Variants in ARHGAP26 observed in about 807,000 individuals in gnomAD.
The protein encoded by ARHGAP26 is Rho GTPase activating protein 26, also known as rho GTPase-activating protein 26.
In ARHGAP26, 38 loss-of-function variants were observed where a neutral mutation model predicts 104.8. That is an observed-to-expected ratio of 0.36 (90% CI 0.28 to 0.48). ARHGAP26 has a LOEUF of 0.48. ARHGAP26 is among the 20% of genes least tolerant of loss of function. The probability of loss-of-function intolerance (pLI) is 0.99; values close to 1 mark genes in which losing one functional copy is unlikely to be tolerated. For synonymous variants in ARHGAP26, 341 were observed against 340.0 expected (o/e 1.00, Z -0.03); for missense variants, 704 against 947.9 (o/e 0.74, Z 3.38).
chr5:143,146,537 A>G (rs533658929), intron 19 of ARHGAP26, among the ~76,000 whole-genome samples: 1 of 152,386 alleles, frequency 6.6e-6, no homozygotes, highest in East Asian at 1.9e-4. Flanking sequence ...TTCTCCAAGC[A>G]TGAATATGAC....
In ARHGAP26 at chr5:142,918,854, A is replaced by G. The variant is rs12514082; in HGVS notation, c.1028+5561A>G. Among the ~76,000 whole-genome samples the G allele has an allele frequency of 2.2e-3, 337 of 152,282 alleles. 3 individuals are homozygous for G. The highest frequency in any genetic ancestry group is 0.019 in the Admixed American group (284 of 15,298). Reference sequence around the variant, plus strand: ...CTCAAACCGAAAACTTGCTTGGATCAAGGTATCATGTCAGTCCAATCAATA... The same window carrying G: ...CTCAAACCGAAAACTTGCTTGGATCGAGGTATCATGTCAGTCCAATCAATA... On this transcript the variant is annotated intron_variant, in intron 10 of 22. Transcript: ENST00000645722.
chr5:143,026,351 G>T (rs1359058530), intron 12 of ARHGAP26, among the ~76,000 whole-genome samples: 1 of 152,168 alleles, frequency 6.6e-6, no homozygotes, highest in Non-Finnish European at 1.5e-5. Context: ...TATAATTTCT[G>T]GTAGAGATGA....
chr5:143,158,316 C>T lies in ARHGAP26; in HGVS notation c.1988+10935C>T, dbSNP rs1416057961. ...TAAATTAACTATAAATAATAAAATA[C>T]ACTGAAATCAATAGAAGTGCTCCTC... is the stretch of plus-strand genomic sequence containing the variant. On this transcript the variant is annotated intron_variant, in intron 20 of 22. Coordinates refer to ENST00000645722, the MANE Select transcript of ARHGAP26 (RefSeq NM_001135608.3). 2.6e-5 allele frequency among the ~76,000 whole-genome samples: 4 copies of T among 152,220 alleles called. No individual in the cohort carries two copies. In the East Asian group the frequency reaches 7.7e-4, roughly 29 times the overall value.
At chr5:143,213,900 A>G in intron 21 of ARHGAP26, 97 bp from the exon 22 acceptor site, 1 of 710,290 alleles carries the variant, frequency 1.4e-6, no homozygotes, top group South Asian at 2.1e-5. Flanking sequence ...AGAGGGGACT[A>G]GGTAGCTTAC....
intron 11 of ARHGAP26, among the ~76,000 whole-genome samples, chr5:142,969,619 G>C (rs1360219109): frequency 6.6e-6 from 1 of 152,144 alleles, no homozygotes; most frequent in East Asian, 1.9e-4. Context: ...GAATTAGCAG[G>C]GGAAGAGCAA....
intron 17 of ARHGAP26, among the ~76,000 whole-genome samples, chr5:143,107,897 T>A (rs1794243020): frequency 6.6e-6 from 1 of 152,216 alleles, no homozygotes; most frequent in Admixed American, 6.5e-5. Flanking sequence ...ATAAATCAGG[T>A]TTTGCTTTGC....
chr5:142,996,178 C>T (rs903285539), intron 11 of ARHGAP26, among the ~76,000 whole-genome samples: 12 of 152,104 alleles, frequency 7.9e-5, no homozygotes, highest in African/African-American at 2.7e-4. Context: ...TATCCCAGAA[C>T]TTAAAGTATA....
At chr5:143,120,312 G>A (rs139322929) in intron 17 of ARHGAP26, among the ~76,000 whole-genome samples, 165 of 152,200 alleles carry the variant, frequency 1.1e-3, no homozygotes, top group African/African-American at 3.4e-3. Context: ...CAGGGTCAGC[G>A]ACTGTTGACC....
chr5:143,167,341 G>A (rs1160541329), intron 20 of ARHGAP26, among the ~76,000 whole-genome samples: 12 of 148,138 alleles, frequency 8.1e-5, no homozygotes, highest in Admixed American at 6.7e-4. Context: ...AATTAGCTGG[G>A]CCTGATGGCA....
At chr5:142,903,697 G>A in intron 8 of ARHGAP26, 28 bp downstream of exon 8, 2 of 1,610,662 alleles carry the variant, frequency 1.2e-6, no homozygotes, top group Non-Finnish European at 1.7e-6. Context: ...CAACAGCTTG[G>A]GATGTACTCA....
Position 142,871,461 on chromosome 5 carries a change from G to A in ARHGAP26, c.155-1939G>A, listed in dbSNP as rs868353925. On this transcript the variant is annotated intron_variant, in intron 1 of 22. Coordinates refer to ENST00000645722, the MANE Select transcript of ARHGAP26 (RefSeq NM_001135608.3). This position sits in a 1 kb window ranked among gnomAD's most constrained non-coding sequence, Gnocchi z 4.1. Reference sequence around the variant, plus strand: ...CTTATGGGGGAGGCACAGGATTGTCGGGTGGGTAGAAAGGCAAACCTGTGT... The same window carrying A: ...CTTATGGGGGAGGCACAGGATTGTCAGGTGGGTAGAAAGGCAAACCTGTGT... Among the ~76,000 whole-genome samples, 29 of 152,262 alleles carry A rather than the reference G, an allele frequency of 1.9e-4. No homozygotes were observed. The highest frequency in any genetic ancestry group is 4.1e-4 in the South Asian group (2 of 4,826).
intron 19 of ARHGAP26, among the ~76,000 whole-genome samples, chr5:143,142,706 G>C (rs1798708085): frequency 6.6e-6 from 1 of 152,106 alleles, no homozygotes; most frequent in South Asian, 2.1e-4. Flanking sequence ...CTGATTCCAA[G>C]CTTCCCATGT....
intron 17 of ARHGAP26, among the ~76,000 whole-genome samples, chr5:143,110,531 C>T (rs1385065779): frequency 5.9e-5 from 9 of 152,102 alleles, no homozygotes; most frequent in Non-Finnish European, 8.8e-5. Context: ...CAACAGGAAC[C>T]GGCATTTGCA....
At chr5:143,098,651 A>G (rs1047093970) in intron 17 of ARHGAP26, among the ~76,000 whole-genome samples, 2 of 152,210 alleles carry the variant, frequency 1.3e-5, no homozygotes, top group Non-Finnish European at 2.9e-5. Context: ...AGAAAAAAAC[A>G]TGAAGATTGG....
intron 1 of ARHGAP26, among the ~76,000 whole-genome samples, chr5:142,854,803 T>A (rs1192767656): frequency 6.6e-6 from 1 of 152,230 alleles, no homozygotes; most frequent in Non-Finnish European, 1.5e-5. Context: ...ACAGCTGTCA[T>A]TCTGAGACCC....
chr5:142,901,008 C>T (rs1441853121), intron 6 of ARHGAP26, among the ~76,000 whole-genome samples: 1 of 152,084 alleles, frequency 6.6e-6, no homozygotes, highest in African/African-American at 2.4e-5. Context: ...ATCCTTTCTT[C>T]AGGTTGAAGT....
chr5:142,791,082 GTT>G (rs3059587), intron 1 of ARHGAP26, among the ~76,000 whole-genome samples: 3 of 142,838 alleles, frequency 2.1e-5, no homozygotes, highest in South Asian at 2.2e-4. Context: ...TTGCTTTAAA[GTT>G]TTTTTTTTTT....
At position 142,871,211 on chromosome 5, in the gene ARHGAP26, A is replaced by G. The variant is rs78621882; in HGVS notation, c.155-2189A>G. Among the ~76,000 whole-genome samples, 4,545 of 152,226 alleles carry G rather than the reference A, an allele frequency of 0.03. 187 individuals are homozygous for G. Among genetic ancestry groups the G allele is most frequent in the East Asian group, 0.18 (955 of 5,172 alleles). ...GTGCTCTGTGCCAGTGGACAAGGAA[A>G]TCAGGTCACCTGCTGGTCATAAGCT... is the stretch of plus-strand genomic sequence containing the variant. On this transcript the variant is annotated intron_variant, in intron 1 of 22. Coordinates refer to ENST00000645722, the MANE Select transcript of ARHGAP26 (RefSeq NM_001135608.3). The surrounding 1 kb of genome is among the most constrained non-coding windows in gnomAD (Gnocchi z 4.1).
At chr5:143,040,168 C>T (rs550377660) in intron 13 of ARHGAP26, among the ~76,000 whole-genome samples, 2 of 152,330 alleles carry the variant, frequency 1.3e-5, no homozygotes, top group South Asian at 4.1e-4. Context: ...TGACATGTTA[C>T]TGAATCAAGT....
Sources: gnomAD v4.1 joint callset for allele counts (sites outside exome capture counted in the v4.1 genomes callset) on GRCh38, gnomAD v4.1.1 for gene constraint, Gnocchi (gnomAD v3.1) non-coding constraint, MANE v1.5 for transcripts, NCBI Gene and HGNC (gene_info 2026-07-23, HGNC 2026-07-21) for gene names.